The following CACNA2D2 variants were observed in gnomAD, a reference collection of about 807,000 sequenced individuals.
The protein encoded by CACNA2D2 is voltage-dependent calcium channel subunit alpha-2/delta-2.
Under a neutral mutation model 166.4 loss-of-function variants are expected in CACNA2D2, and 48 were observed. The ratio of observed to expected loss-of-function variants is 0.29; its 90% CI spans 0.23 to 0.37. The LOEUF is 0.37. Ranked by LOEUF, CACNA2D2 falls within the 10% of genes least tolerant of loss-of-function variation. CACNA2D2 has a pLI of 1.00. For missense variants in CACNA2D2, 1,122 were observed against 1,433.0 expected, an observed-to-expected ratio of 0.78 and a Z score of 3.50; for synonymous variants, 561 against 573.7, an observed-to-expected ratio of 0.98 and a Z score of 0.32.
intron 3 of CACNA2D2, 120 bp downstream of exon 3, chr3:50,434,193 G>A: frequency 4.2e-6 from 3 of 712,926 alleles, no homozygotes; most frequent in Non-Finnish European, 7.5e-6. Flanking sequence ...GCTGATGTTG[G>A]CCCAGCTGAA....
chr3:50,493,395 C>T (rs1698597735), intron 1 of CACNA2D2, among the ~76,000 whole-genome samples: 1 of 152,238 alleles, frequency 6.6e-6, no homozygotes. Flanking sequence ...GTTTCCTCCC[C>T]TCTTAAGAGA....
chr3:50,405,733 C>T (rs1322444599), intron 3 of CACNA2D2, among the ~76,000 whole-genome samples: 1 of 152,150 alleles, frequency 6.6e-6, no homozygotes, highest in Non-Finnish European at 1.5e-5. Flanking sequence ...GCCCACTGGC[C>T]CCCCCATACA....
At position 50,362,899 on chromosome 3, in the gene CACNA2D2, T is replaced by G; in HGVS notation, c.*1767A>C. The G allele has an allele frequency of 2.6e-6, 1 of 390,286 alleles. No homozygotes were observed. The highest frequency in any genetic ancestry group is 4.5e-6 in the Non-Finnish European group (1 of 221,412). The allele number at this position is 390,286 out of a possible 1,614,324, so 24.2% of individuals were successfully genotyped here. A position where few individuals can be genotyped will look rare whatever the true frequency, so the allele number is the denominator to read the frequency against. Reference sequence around the variant, plus strand: ...TCACACACACGATATTTTACAAAGTTTCTTGACTTTTTTGTCGCTGTTGTT... The same window carrying G: ...TCACACACACGATATTTTACAAAGTGTCTTGACTTTTTTGTCGCTGTTGTT... On this transcript the variant is annotated 3_prime_UTR_variant, in exon 38 of 38. Transcript: ENST00000424201.
intron 23 of CACNA2D2, among the ~76,000 whole-genome samples, 175 bp downstream of exon 23, chr3:50,370,145 G>C (rs1704574990): frequency 6.6e-6 from 1 of 152,178 alleles, no homozygotes; most frequent in Non-Finnish European, 1.5e-5. Context: ...CTGCTGCCTG[G>C]TGCGGTACAT....
At chr3:50,420,207 T>A (rs1380022583) in intron 3 of CACNA2D2, among the ~76,000 whole-genome samples, 1 of 152,220 alleles carries the variant, frequency 6.6e-6, no homozygotes, top group Non-Finnish European at 1.5e-5. Flanking sequence ...GGAGGGGAGC[T>A]GATGGGGCAG....
intron 1 of CACNA2D2, among the ~76,000 whole-genome samples, chr3:50,490,436 C>T (rs1698475027): frequency 6.6e-6 from 1 of 152,126 alleles, no homozygotes; most frequent in South Asian, 2.1e-4. Flanking sequence ...AATGCCTGGA[C>T]CCTGCCTCCC....
At chr3:50,371,076 A>T (rs914065502) in intron 22 of CACNA2D2, among the ~76,000 whole-genome samples, 40 of 152,016 alleles carry the variant, frequency 2.6e-4, no homozygotes, top group African/African-American at 8.7e-4. Flanking sequence ...GGAGACCCTC[A>T]AAGTGCCAAG....
At chr3:50,426,891 A>C (rs985652146) in intron 3 of CACNA2D2, among the ~76,000 whole-genome samples, 7 of 151,864 alleles carry the variant, frequency 4.6e-5, no homozygotes, top group Admixed American at 3.9e-4. Flanking sequence ...TCTCTTGAGG[A>C]CCCTTGGCCA....
intron 1 of CACNA2D2, among the ~76,000 whole-genome samples, chr3:50,482,552 G>A (rs1401764934): frequency 6.6e-6 from 1 of 152,226 alleles, no homozygotes; most frequent in East Asian, 1.9e-4. Context: ...CCCCACATGT[G>A]GGATGCTAGC....
intron 3 of CACNA2D2, among the ~76,000 whole-genome samples, chr3:50,397,641 T>G (rs1440483674): frequency 6.6e-6 from 1 of 152,208 alleles, no homozygotes; most frequent in African/African-American, 2.4e-5. Context: ...GCTAGGCTCT[T>G]GGCAGCCCCC....
chr3:50,472,301 G>T (rs551503875), intron 2 of CACNA2D2, among the ~76,000 whole-genome samples: 1 of 152,354 alleles, frequency 6.6e-6, no homozygotes, highest in African/African-American at 2.4e-5. Context: ...GGGTCACGCC[G>T]TATGCCATTT....
At chr3:50,469,450 T>C (rs1399538448) in intron 2 of CACNA2D2, among the ~76,000 whole-genome samples, 2 of 152,084 alleles carry the variant, frequency 1.3e-5, no homozygotes, top group Non-Finnish European at 2.9e-5. Context: ...CTGGACTGAA[T>C]CAAGCAGAAA....
chr3:50,485,457 G>A (rs558320987), intron 1 of CACNA2D2, among the ~76,000 whole-genome samples: 27 of 152,362 alleles, frequency 1.8e-4, no homozygotes, highest in African/African-American at 4.3e-4. Flanking sequence ...AACTGGTGAG[G>A]TAGTTATAAA....
chr3:50,445,677 G>A (rs1708810851), intron 2 of CACNA2D2, among the ~76,000 whole-genome samples: 1 of 152,216 alleles, frequency 6.6e-6, no homozygotes, highest in Non-Finnish European at 1.5e-5. Context: ...GGACATGCAT[G>A]CTCTGAAAAC....
At chr3:50,433,925 G>C (rs1336057199) in intron 3 of CACNA2D2, among the ~76,000 whole-genome samples, 1 of 152,180 alleles carries the variant, frequency 6.6e-6, no homozygotes, top group Non-Finnish European at 1.5e-5. Flanking sequence ...GCCTACCTCA[G>C]GGGCAAACTC....
chr3:50,433,891 A>T (rs1439001253), intron 3 of CACNA2D2, among the ~76,000 whole-genome samples: 1 of 152,064 alleles, frequency 6.6e-6, no homozygotes, highest in African/African-American at 2.4e-5. Flanking sequence ...AGCCCCCTCG[A>T]CACTCCCTCC....
Position 50,379,415 on chromosome 3 carries a change from C to A in CACNA2D2, c.1152+17G>T, listed in dbSNP as rs775918698. The A allele has an allele frequency of 6.2e-7, 1 of 1,610,934 alleles. No individual in the cohort carries two copies. On this transcript the variant is annotated intron_variant, in intron 11 of 37. Coordinates refer to ENST00000424201, the MANE Select transcript of CACNA2D2 (RefSeq NM_006030.4). The surrounding 1 kb of genome is among the most constrained non-coding windows in gnomAD (Gnocchi z 6.5). The stretch of plus-strand genomic sequence containing the variant: ...TCTACTCCCCCAGCCGCCCACTTGC[C>A]CACCCATGGGGCTCACGTTCTGCAG...
intron 3 of CACNA2D2, among the ~76,000 whole-genome samples, chr3:50,403,265 G>A (rs1706538073): frequency 6.6e-6 from 1 of 151,920 alleles, no homozygotes; most frequent in Admixed American, 6.5e-5. Flanking sequence ...GGAAACTGGA[G>A]ACACAACTCC....
chr3:50,433,012 C>G (rs1708144442), intron 3 of CACNA2D2, among the ~76,000 whole-genome samples: 1 of 152,240 alleles, frequency 6.6e-6, no homozygotes, highest in African/African-American at 2.4e-5. Flanking sequence ...TATTGAGATA[C>G]AATTTATACA....
Sources: gnomAD v4.1 joint callset for allele counts (sites outside exome capture counted in the v4.1 genomes callset) on GRCh38, gnomAD v4.1.1 for gene constraint, Gnocchi (gnomAD v3.1) non-coding constraint, MANE v1.5 for transcripts, NCBI Gene and HGNC (gene_info 2026-07-23, HGNC 2026-07-21) for gene names.